The following FRMD5 variants were observed in gnomAD, a reference collection of about 807,000 sequenced individuals.
FRMD5 encodes FERM domain containing 5.
FRMD5 carries 20 observed loss-of-function variants against 69.0 expected under a neutral mutation model. That is an observed-to-expected ratio of 0.29 (90% CI 0.20 to 0.42). The LOEUF (loss-of-function observed/expected upper bound fraction) is 0.42. Ranked by LOEUF, FRMD5 falls within the 10% of genes least tolerant of loss-of-function variation. FRMD5 has a pLI of 1.00. For synonymous variants in FRMD5, 271 were observed against 260.1 expected (o/e 1.04, Z -0.40); for missense variants, 595 against 708.6 (o/e 0.84, Z 1.82).
intron 1 of FRMD5, among the ~76,000 whole-genome samples, chr15:44,095,014 T>C (rs2076530615): frequency 6.6e-6 from 1 of 151,468 alleles, no homozygotes; most frequent in Non-Finnish European, 1.5e-5. Context: ...CGACATAGAG[T>C]CCCACCCAAC....
At chr15:44,178,824 C>T (rs145641667) in intron 1 of FRMD5, among the ~76,000 whole-genome samples, 2 of 152,102 alleles carry the variant, frequency 1.3e-5, no homozygotes, top group Non-Finnish European at 2.9e-5. Context: ...AAAACTCTAT[C>T]TCTACTAAAA....
At position 43,954,845 on chromosome 15, in the gene FRMD5, A is replaced by T. The variant is rs149387485; in HGVS notation, c.103-30536T>A. Among the ~76,000 whole-genome samples, 25 of 152,294 alleles carry T rather than the reference A, an allele frequency of 1.6e-4. No homozygotes were observed. In the East Asian group the frequency reaches 4.4e-3, roughly 27 times the overall value. On this transcript the variant is annotated intron_variant, in intron 1 of 13. Transcript: ENST00000417257. Reference sequence around the variant, plus strand: ...AAAGTGCTACAGTGCTTAGTACAGCACCTAGCACTCTTCGTTTAACAGCTA... The same window carrying T: ...AAAGTGCTACAGTGCTTAGTACAGCTCCTAGCACTCTTCGTTTAACAGCTA...
chr15:43,884,634 C>G (rs1010338556), intron 12 of FRMD5, 93 bp downstream of exon 12: 1 of 1,152,600 alleles, frequency 8.7e-7, no homozygotes, highest in Non-Finnish European at 1.3e-6. Flanking sequence ...TTGGTAGCCA[C>G]TGGAGCCAGG....
chr15:43,879,104 A>G (rs2088452566), intron 13 of FRMD5, among the ~76,000 whole-genome samples: 1 of 151,432 alleles, frequency 6.6e-6, no homozygotes, highest in African/African-American at 2.4e-5. Context: ...TGCCCGGCTA[A>G]TTTTTGTATT....
In FRMD5 at chr15:43,973,891, A is replaced by C. The variant is rs1426255407; in HGVS notation, c.103-49582T>G. 2.0e-5 allele frequency among the ~76,000 whole-genome samples: 3 copies of C among 150,948 alleles called. No individual in the cohort carries two copies. The East Asian group carries it at 5.8e-4, about 29-fold the overall frequency. ...TTCTCCTACTAAGTCAGGCCTCCTCAATCTTCTACTTGTACAGTTTAACTG... is the reference window on the plus strand; with the variant it reads ...TTCTCCTACTAAGTCAGGCCTCCTCCATCTTCTACTTGTACAGTTTAACTG... On this transcript the variant is annotated intron_variant, in intron 1 of 13. Coordinates refer to ENST00000417257, the MANE Select transcript of FRMD5 (RefSeq NM_032892.5).
At chr15:43,906,647 G>A (rs1324333807) in intron 5 of FRMD5, among the ~76,000 whole-genome samples, 1 of 151,928 alleles carries the variant, frequency 6.6e-6, no homozygotes, top group African/African-American at 2.4e-5. Context: ...TGTAGCCCAG[G>A]CTGGAGTGCA....
At chr15:44,002,147 A>AC (rs1403004082) in intron 1 of FRMD5, among the ~76,000 whole-genome samples, 2 of 152,072 alleles carry the variant, frequency 1.3e-5, no homozygotes, top group African/African-American at 4.8e-5. Flanking sequence ...GGCCCATCTT[A>AC]CCCTTTCTCT....
At chr15:43,967,019 T>C (rs1172190157) in intron 1 of FRMD5, among the ~76,000 whole-genome samples, 1 of 152,164 alleles carries the variant, frequency 6.6e-6, no homozygotes, top group Non-Finnish European at 1.5e-5. Context: ...TCTGATGCTA[T>C]AGATTTAGAA....
At chr15:44,017,739 G>A (rs1400927571) in intron 1 of FRMD5, among the ~76,000 whole-genome samples, 2 of 151,458 alleles carry the variant, frequency 1.3e-5, no homozygotes, top group African/African-American at 2.4e-5. Context: ...CCAAGTAGCT[G>A]AGACTACAGG....
At chr15:43,962,106 A>C (rs2090211941) in intron 1 of FRMD5, among the ~76,000 whole-genome samples, 1 of 152,218 alleles carries the variant, frequency 6.6e-6, no homozygotes, top group Non-Finnish European at 1.5e-5. Flanking sequence ...GAAAAGAGGA[A>C]GTCAAATTGT....
rs1344729132 is a variant in FRMD5 at position 43,872,323 on chromosome 15, TTGTTC to T, written c.*1557_*1561del. 4 of 152,216 alleles carry T rather than the reference TTGTTC, an allele frequency of 2.6e-5. No homozygotes were observed. The highest frequency in any genetic ancestry group is 9.7e-5 in the African/African-American group (4 of 41,450). The allele number at this position is 152,216 out of a possible 1,614,324, so 9.4% of individuals were successfully genotyped here. ...AGGGGAGGTCAAGTCTACAAGTGAC[TTGTTC>T]TGTTCTGCGTTTGGGGCTGTCCAAT... On this transcript the variant is annotated 3_prime_UTR_variant, in exon 14 of 14. Transcript: ENST00000417257.
intron 1 of FRMD5, among the ~76,000 whole-genome samples, chr15:44,016,335 T>A (rs898021910): frequency 3.3e-5 from 5 of 152,180 alleles, no homozygotes; most frequent in Admixed American, 1.3e-4. Context: ...GTAGTTAATA[T>A]TTATATATAC....
At chr15:43,980,571 G>T (rs16953895) in intron 1 of FRMD5, among the ~76,000 whole-genome samples, 1 of 152,108 alleles carries the variant, frequency 6.6e-6, no homozygotes, top group Non-Finnish European at 1.5e-5. Context: ...TGTGGTGCTA[G>T]ATCTTTCTAC....
intron 1 of FRMD5, among the ~76,000 whole-genome samples, chr15:44,129,265 C>A (rs1277809944): frequency 6.6e-6 from 1 of 152,098 alleles, no homozygotes; most frequent in African/African-American, 2.4e-5. Context: ...ATAATTTTGT[C>A]TCTAAAGCCA....
At chr15:44,184,239 A>G (rs1461079061) in intron 1 of FRMD5, among the ~76,000 whole-genome samples, 1 of 152,178 alleles carries the variant, frequency 6.6e-6, no homozygotes, top group Admixed American at 6.5e-5. Flanking sequence ...GAAGCACCAG[A>G]CCTGAAGACA....
chr15:43,969,990 A>T (rs2090351144), intron 1 of FRMD5, among the ~76,000 whole-genome samples: 1 of 152,228 alleles, frequency 6.6e-6, no homozygotes, highest in Admixed American at 6.5e-5. Flanking sequence ...GTCAGCCATG[A>T]GAGTGTTCTG....
intron 1 of FRMD5, among the ~76,000 whole-genome samples, chr15:44,017,267 G>C (rs1326352058): frequency 6.6e-6 from 1 of 151,972 alleles, no homozygotes; most frequent in East Asian, 1.9e-4. Flanking sequence ...GAACCCGGGA[G>C]GTGGAGGTTG....
chr15:43,985,587 G>A (rs1889356952), intron 1 of FRMD5, among the ~76,000 whole-genome samples: 1 of 152,150 alleles, frequency 6.6e-6, no homozygotes, highest in Non-Finnish European at 1.5e-5. Flanking sequence ...GACCTTTACA[G>A]AGTCCCTTAC....
chr15:44,076,836 G>C (rs1027502230), intron 1 of FRMD5, among the ~76,000 whole-genome samples: 1 of 151,602 alleles, frequency 6.6e-6, no homozygotes, highest in Non-Finnish European at 1.5e-5. Context: ...CTGGTCTCCA[G>C]ACTTAAAATG....
Sources: allele counts gnomAD v4.1 joint callset (sites outside exome capture counted in the v4.1 genomes callset), GRCh38; gene constraint gnomAD v4.1.1; transcripts MANE v1.5; gene names NCBI Gene and HGNC (gene_info 2026-07-23, HGNC 2026-07-21).